EPB41L5: variants seen among roughly 807,000 people sequenced by gnomAD.
The protein encoded by EPB41L5 is band 4.1-like protein 5.
EPB41L5 carries 55 observed loss-of-function variants against 106.6 expected under a neutral mutation model. That is an observed-to-expected ratio of 0.52 (90% CI 0.42 to 0.65). The LOEUF (loss-of-function observed/expected upper bound fraction) is 0.65, where lower values mean the gene tolerates loss of function less well. Among genes scored for constraint, EPB41L5 ranks in the 30% least tolerant of loss-of-function variants. The pLI is 0.00. For synonymous variants in EPB41L5, 297 were observed against 306.7 expected, an observed-to-expected ratio of 0.97 and a Z score of 0.33; for missense variants, 871 against 882.1, an observed-to-expected ratio of 0.99 and a Z score of 0.16.
Position 120,178,031 on chromosome 2 carries a change from CAG to C in EPB41L5, c.*3127_*3128del, listed in dbSNP as rs556649468. On this transcript the variant is annotated 3_prime_UTR_variant, in exon 25 of 25. Transcript: ENST00000263713. ...TTTTCTAAGTAAGAGTCTCGAGAAG[CAG>C]AGTTTTTGTCTTGTCATTGAGAGGA... 1.2e-3 allele frequency: 181 copies of C among 152,804 alleles called. No homozygotes were observed. Among genetic ancestry groups the C allele is most frequent in the African/African-American group, 4.2e-3 (176 of 41,582 alleles). The allele number at this position is 152,804 out of a possible 1,614,324, so 9.5% of individuals were successfully genotyped here. A position where few individuals can be genotyped will look rare whatever the true frequency, so the allele number is the denominator to read the frequency against.
At chr2:120,141,007 G>A (rs1405851275) in intron 18 of EPB41L5, among the ~76,000 whole-genome samples, 1 of 152,026 alleles carries the variant, frequency 6.6e-6, no homozygotes, top group African/African-American at 2.4e-5. Flanking sequence ...GAATGTCTTA[G>A]CCAGCAACCT....
intron 21 of EPB41L5, among the ~76,000 whole-genome samples, chr2:120,163,573 G>A (rs1444273803): frequency 6.8e-6 from 1 of 147,438 alleles, no homozygotes; most frequent in Non-Finnish European, 1.5e-5. Flanking sequence ...AGTATCTCCT[G>A]TGCTGAACCT....
intron 15 of EPB41L5, 82 bp from the exon 16 acceptor site, chr2:120,100,617 A>G (rs1349202670): frequency 3.1e-6 from 3 of 958,682 alleles, no homozygotes; most frequent in East Asian, 2.4e-5. Flanking sequence ...GGCTTTGTAA[A>G]TAGTACTCCA....
At chr2:120,016,080 T>C (rs569276805) in intron 1 of EPB41L5, among the ~76,000 whole-genome samples, 8 of 152,278 alleles carry the variant, frequency 5.3e-5, no homozygotes, top group Non-Finnish European at 1.0e-4. Flanking sequence ...TGATTTTTTT[T>C]CTTTAGGTTA....
chr2:120,015,726 C>T (rs1452381104), intron 1 of EPB41L5, among the ~76,000 whole-genome samples: 1 of 151,576 alleles, frequency 6.6e-6, no homozygotes, highest in Admixed American at 6.6e-5. Flanking sequence ...AATCCGATTC[C>T]CTGAGGCCAG....
At chr2:120,169,402 G>C (rs1029493926) in intron 24 of EPB41L5, among the ~76,000 whole-genome samples, 3 of 152,160 alleles carry the variant, frequency 2.0e-5, no homozygotes, top group African/African-American at 4.8e-5. Context: ...AAGAAAACAT[G>C]AGTGAACTTA....
chr2:120,131,498 T>C (rs1307543080), intron 17 of EPB41L5, 120 bp from the exon 18 acceptor site: 3 of 645,554 alleles, frequency 4.6e-6, no homozygotes, highest in Non-Finnish European at 8.4e-6. Context: ...TTTATCTGGA[T>C]TATTACTTTT....
intron 14 of EPB41L5, among the ~76,000 whole-genome samples, chr2:120,099,466 C>A (rs1164771511): frequency 6.6e-6 from 1 of 150,558 alleles, no homozygotes; most frequent in Admixed American, 6.6e-5. Context: ...CTCGCCCTGT[C>A]GCCCAGGCCG....
intron 22 of EPB41L5, among the ~76,000 whole-genome samples, chr2:120,165,504 G>GGAAAT (rs1191398075): frequency 6.6e-6 from 1 of 152,120 alleles, no homozygotes; most frequent in African/African-American, 2.4e-5. Flanking sequence ...GTATTGTTTA[G>GGAAAT]GAAATAATGA....
At chr2:120,157,102 C>T (rs1404149743) in intron 20 of EPB41L5, among the ~76,000 whole-genome samples, 2 of 152,156 alleles carry the variant, frequency 1.3e-5, no homozygotes, top group Non-Finnish European at 2.9e-5. Context: ...CAGACTACAG[C>T]ACAATCAAAT....
intron 16 of EPB41L5, chr2:120,105,598 G>C: frequency 1.0e-6 from 1 of 985,350 alleles, no homozygotes; most frequent in East Asian, 1.1e-4. Flanking sequence ...GTTTCAATCT[G>C]AGTTTAGTAT....
At chr2:120,118,379 G>T (rs896172953) in intron 16 of EPB41L5, among the ~76,000 whole-genome samples, 5 of 151,956 alleles carry the variant, frequency 3.3e-5, no homozygotes, top group African/African-American at 7.3e-5. Flanking sequence ...TAAGCTCAGG[G>T]GTACATGTGC....
intron 7 of EPB41L5, 108 bp from the exon 8 acceptor site, chr2:120,076,863 G>T (rs1346228529): frequency 4.7e-6 from 5 of 1,067,086 alleles, no homozygotes; most frequent in Non-Finnish European, 6.5e-6. Context: ...ATGAATTTTT[G>T]TAAGAAATTC....
rs770264143 is a variant in EPB41L5, at chr2:120,100,278, T to C, written c.1213T>C (p.Ser405Pro). Residue 405 changes from serine to proline, a missense_variant, in exon 15 of 25, where the codon TCC becomes CCC. Ser to Pro is a moderately conservative substitution (Grantham distance 74). Transcript: ENST00000263713. ...TAATGTTTCGACCCAAAGTAATGGCTCCCAACAGGTAAGACAATACTAAGC... is the reference window on the plus strand; with the variant it reads ...TAATGTTTCGACCCAAAGTAATGGCCCCCAACAGGTAAGACAATACTAAGC... ...HNNVSTQSNG[S>P]QQAWGMRSAL... is the part of the protein sequence containing the mutation. The C allele has an allele frequency of 6.2e-7, 1 of 1,613,254 alleles. No individual in the cohort carries two copies. The highest frequency in any genetic ancestry group is 8.5e-7 in the Non-Finnish European group (1 of 1,179,436).
chr2:120,106,561 C>T, intron 16 of EPB41L5: 4 of 985,360 alleles, frequency 4.1e-6, no homozygotes, highest in Non-Finnish European at 4.8e-6. Flanking sequence ...ACTGGGTCAC[C>T]ATCCTTTTGA....
intron 10 of EPB41L5, among the ~76,000 whole-genome samples, chr2:120,086,675 CG>C (rs1200266181): frequency 5.9e-5 from 9 of 152,276 alleles, no homozygotes; most frequent in African/African-American, 2.2e-4. Context: ...TGGAAGTTCA[CG>C]GCTGCAGTGA....
chr2:120,082,432 C>A (rs892466563), intron 10 of EPB41L5, among the ~76,000 whole-genome samples: 8 of 152,036 alleles, frequency 5.3e-5, no homozygotes, highest in African/African-American at 1.9e-4. Context: ...TATGTTGAAC[C>A]AGCCTTGCGT....
chr2:120,170,553 C>T (rs139265270), intron 24 of EPB41L5, among the ~76,000 whole-genome samples: 8 of 152,338 alleles, frequency 5.3e-5, no homozygotes, highest in Non-Finnish European at 1.0e-4. Context: ...CAAAGTAGTT[C>T]CTTACTTTAT....
chr2:120,130,803 A>C (rs1320310335), intron 17 of EPB41L5, among the ~76,000 whole-genome samples: 1 of 152,212 alleles, frequency 6.6e-6, no homozygotes, highest in Admixed American at 6.5e-5. Context: ...CACTCAGTTA[A>C]TTGATGGCCA....
Sources: allele counts gnomAD v4.1 joint callset (sites outside exome capture counted in the v4.1 genomes callset), GRCh38; gene constraint gnomAD v4.1.1; transcripts MANE v1.5; gene names NCBI Gene and HGNC (gene_info 2026-07-23, HGNC 2026-07-21).